The following TFEC variants were observed in gnomAD, a reference collection of about 807,000 sequenced individuals.
TFEC encodes the protein transcription factor EC.
In TFEC, 31 loss-of-function variants were observed where a neutral mutation model predicts 41.6. The observed-to-expected ratio is 0.74, with a 90% CI of 0.56 to 1.01. The LOEUF is 1.01. TFEC is among the 50% of genes least tolerant of loss of function. The pLI is 0.00. For missense variants in TFEC, 402 were observed against 404.1 expected (o/e 0.99, Z 0.04); for synonymous variants, 143 against 140.6 (o/e 1.02, Z -0.12).
intron 1 of TFEC, among the ~76,000 whole-genome samples, chr7:116,006,647 A>T (rs1794802304): frequency 6.6e-6 from 1 of 152,242 alleles, no homozygotes; most frequent in East Asian, 1.9e-4. Flanking sequence ...TGGACATTTG[A>T]GTTAATGCTG....
In TFEC at chr7:115,937,691, CATT is replaced by C. The variant is rs2130129457; in HGVS notation, c.*2857_*2859del. 6.6e-6 allele frequency: 1 copy of C among 151,786 alleles called. No individual in the cohort carries two copies. Among genetic ancestry groups the C allele is most frequent in the African/African-American group, 2.4e-5 (1 of 41,486 alleles). 9.4% of individuals were successfully genotyped at this position (151,786 alleles called of 1,614,324 possible). Reference sequence around the variant, plus strand: ...CTATTACTTTCCTATGCAACCTCATCATTATTAGGATTGGGATAATTATATTTA... The same window carrying C: ...CTATTACTTTCCTATGCAACCTCATCATTAGGATTGGGATAATTATATTTA... On this transcript the variant is annotated 3_prime_UTR_variant, in exon 8 of 8. Coordinates refer to ENST00000265440, the MANE Select transcript of TFEC (RefSeq NM_012252.4).
intron 1 of TFEC, among the ~76,000 whole-genome samples, chr7:116,001,904 A>T (rs1476542341): frequency 6.6e-6 from 1 of 152,318 alleles, no homozygotes; most frequent in South Asian, 2.1e-4. Context: ...GAAGACATAC[A>T]AAAAGGTATA....
intron 1 of TFEC, among the ~76,000 whole-genome samples, chr7:116,155,870 T>C (rs950620348): frequency 6.6e-6 from 1 of 152,182 alleles, no homozygotes; most frequent in Non-Finnish European, 1.5e-5. Context: ...GCTTTACTGA[T>C]TTTCTTTTTC....
chr7:116,072,765 C>T (rs986070265), intron 3 of TFEC, among the ~76,000 whole-genome samples: 23 of 151,642 alleles, frequency 1.5e-4, no homozygotes, highest in African/African-American at 5.5e-4. Context: ...ATATAGCACA[C>T]TCTTATGAAA....
At chr7:116,021,201 G>T (rs1795382532) in intron 1 of TFEC, among the ~76,000 whole-genome samples, 1 of 152,136 alleles carries the variant, frequency 6.6e-6, no homozygotes, top group South Asian at 2.1e-4. Context: ...CTCATAAAAG[G>T]TTTTGTTTGG....
At chr7:116,018,334 C>T (rs1795270327) in intron 1 of TFEC, among the ~76,000 whole-genome samples, 1 of 152,140 alleles carries the variant, frequency 6.6e-6, no homozygotes, top group African/African-American at 2.4e-5. Context: ...TGATCATAAT[C>T]AGAAAGAGAA....
rs1793478511 is a variant in TFEC, at chr7:115,941,191, G to A, written c.664-260C>T. 5 of 354,406 alleles carry A rather than the reference G, an allele frequency of 1.4e-5. No individual in the cohort carries two copies. The East Asian group carries it at 2.5e-4, about 18-fold the overall frequency. The allele number at this position is 354,406 out of a possible 1,614,324, so 22.0% of individuals were successfully genotyped here. ...GGTTATGACTGATGATGGTTCCATA[G>A]TGGCTCAGACTACAATATAGCCATT... On this transcript the variant is annotated intron_variant, in intron 7 of 7. Transcript: ENST00000265440.
At chr7:116,069,159 G>A (rs1796765584) in intron 3 of TFEC, among the ~76,000 whole-genome samples, 1 of 151,540 alleles carries the variant, frequency 6.6e-6, no homozygotes, top group Non-Finnish European at 1.5e-5. Flanking sequence ...AGAAGGCTGT[G>A]CTGATTCTTT....
At chr7:115,983,170 A>T (rs1199656460) in intron 2 of TFEC, among the ~76,000 whole-genome samples, 1 of 152,132 alleles carries the variant, frequency 6.6e-6, no homozygotes, top group African/African-American at 2.4e-5. Context: ...TTCATTTTTT[A>T]GGAAAGTTTT....
chr7:116,058,836 A>C (rs1796487436), intron 3 of TFEC, among the ~76,000 whole-genome samples: 1 of 151,830 alleles, frequency 6.6e-6, no homozygotes. Context: ...GTATTTTTGA[A>C]CTGAATGAAG....
chr7:116,032,041 T>G (rs1795796613), upstream of TFEC, among the ~76,000 whole-genome samples: 1 of 152,132 alleles, frequency 6.6e-6, no homozygotes, highest in African/African-American at 2.4e-5. Flanking sequence ...ATACAACATG[T>G]TTAACATATT....
intron 3 of TFEC, among the ~76,000 whole-genome samples, chr7:116,105,937 T>C (rs992963117): frequency 2.0e-5 from 3 of 152,082 alleles, no homozygotes; most frequent in Admixed American, 2.0e-4. Context: ...TACGTGTTGA[T>C]AGAGTGGTGG....
At chr7:116,007,059 A>G (rs1435283099) in intron 1 of TFEC, among the ~76,000 whole-genome samples, 1 of 152,150 alleles carries the variant, frequency 6.6e-6, no homozygotes, top group Non-Finnish European at 1.5e-5. Flanking sequence ...TGGGTGTGTA[A>G]TTACCAGCAG....
intron 3 of TFEC, among the ~76,000 whole-genome samples, chr7:116,100,110 C>A (rs781585691): frequency 3.3e-5 from 5 of 152,154 alleles, no homozygotes; most frequent in South Asian, 2.1e-4. Context: ...TTTGTAATAT[C>A]AAATGGCTAA....
chr7:115,965,056 G>T (rs891622410), intron 3 of TFEC, among the ~76,000 whole-genome samples: 2 of 151,576 alleles, frequency 1.3e-5, no homozygotes, highest in African/African-American at 4.8e-5. Context: ...AATGCTGCCA[G>T]ATTTTCTTTT....
chr7:115,989,059 T>C (rs1793985242), intron 1 of TFEC, among the ~76,000 whole-genome samples: 1 of 152,062 alleles, frequency 6.6e-6, no homozygotes, highest in Non-Finnish European at 1.5e-5. Flanking sequence ...GACAAGCAAA[T>C]ATTGAGGAAA....
intron 3 of TFEC, among the ~76,000 whole-genome samples, chr7:116,060,601 A>G (rs1048287048): frequency 2.0e-5 from 3 of 152,110 alleles, no homozygotes; most frequent in African/African-American, 7.2e-5. Context: ...CTTAGCAAAC[A>G]AACTCAGGAA....
At position 115,940,676 on chromosome 7, in the gene TFEC, T is replaced by C. The variant is rs747206468; in HGVS notation, c.919A>G (p.Met307Val). The C allele has an allele frequency of 1.4e-5, 23 of 1,613,494 alleles. No individual in the cohort carries two copies. The Admixed American group carries it at 2.0e-4, about 14-fold the overall frequency. Reference sequence around the variant, plus strand: ...GGAGAGATTGTGTCATCCAATAGCATGCCATCCAATCTTTGTTCCTCTTTC... The same window carrying C: ...GGAGAGATTGTGTCATCCAATAGCACGCCATCCAATCTTTGTTCCTCTTTC... ...ALKEEQRLDG[M>V]LLDDTISPFG... The change falls in exon 8 of 8, where the codon ATG (methionine) becomes GTG (valine). Residue 307 changes from methionine (M) to valine (V), a missense_variant. Physicochemically the swap from Met to Val is conservative, Grantham distance 21. Transcript: ENST00000265440.
intron 3 of TFEC, among the ~76,000 whole-genome samples, chr7:116,097,099 A>G (rs1797482452): frequency 9.2e-6 from 1 of 109,138 alleles, no homozygotes; most frequent in Non-Finnish European, 2.1e-5. Flanking sequence ...AAAAAAAAAA[A>G]AGAAAGAAAG....
Sources: allele counts gnomAD v4.1 joint callset (sites outside exome capture counted in the v4.1 genomes callset), GRCh38; gene constraint gnomAD v4.1.1; transcripts MANE v1.5; gene names NCBI Gene and HGNC (gene_info 2026-07-23, HGNC 2026-07-21).